Variants in NT5DC4 observed in about 807,000 individuals in gnomAD.
The protein encoded by NT5DC4 is 5'-nucleotidase domain-containing protein 4.
A neutral mutation model predicts 26.6 loss-of-function variants in NT5DC4; 44 were observed. The observed-to-expected ratio is 1.65, with a 90% CI of 1.30 to 2.13. The LOEUF (loss-of-function observed/expected upper bound fraction) is 2.13, where lower values mean the gene tolerates loss of function less well. NT5DC4 is among the 30% of genes most tolerant of loss of function. The pLI is 0.00. For missense variants in NT5DC4, 399 were observed against 228.1 expected, an observed-to-expected ratio of 1.75 and a Z score of -4.83; for synonymous variants, 157 against 86.7, an observed-to-expected ratio of 1.81 and a Z score of -4.51.
chr2:112,742,573 G>A (rs1170299198), downstream of NT5DC4: 9 of 712,312 alleles, frequency 1.3e-5, no homozygotes, highest in African/African-American at 1.8e-5. Flanking sequence ...ATGGCTGAAA[G>A]GGCCAGGTCA....
chr2:112,737,419 T>C (rs957376016), intron 16 of NT5DC4: 2 of 152,244 alleles, frequency 1.3e-5, no homozygotes, highest in African/African-American at 4.8e-5. Flanking sequence ...GCCATTCTTA[T>C]AGATGTGAGG....
chr2:112,723,468 T>C lies in NT5DC4; in HGVS notation c.672T>C (p.Asp224=), dbSNP rs746854375. 3.8e-5 allele frequency: 27 copies of C among 717,140 alleles called. No homozygotes were observed. Among genetic ancestry groups the C allele is most frequent in the South Asian group, 1.0e-4 (7 of 67,600 alleles). 44.4% of individuals were successfully genotyped at this position (717,140 alleles called of 1,614,324 possible). Residue 224 remains aspartate, a splice_region_variant and synonymous_variant, in exon 8 of 17, where the codon GAT becomes GAC. Coordinates refer to ENST00000688554, the MANE Select transcript of NT5DC4 (RefSeq NM_001393655.1). ...ACTTGGAGAAATATGTGAAGAAGGA[T>C]GTGAGTGGCCACAGACCCAGGGCCA... ...LEDLEKYVKK[D]PRLPILLGKM...
At chr2:112,735,038 A>ATTTTTTTTTT (rs70965024) in intron 16 of NT5DC4, among the ~76,000 whole-genome samples, 2 of 94,492 alleles carry the variant, frequency 2.1e-5, no homozygotes, top group Non-Finnish European at 4.0e-5. Flanking sequence ...AGGCAAGAAC[A>ATTTTTTTTTT]TTTTTTTTTT....
intron 16 of NT5DC4, chr2:112,737,239 GTACA>G (rs1354508722): frequency 3.9e-5 from 6 of 152,084 alleles, no homozygotes; most frequent in African/African-American, 1.4e-4. Context: ...TCTTCTTTGG[GTACA>G]TACTTACTCA....
chr2:112,719,481 C>CTTTTTTTTTTTTTTTTTTTTT (rs57789268), upstream of NT5DC4, among the ~76,000 whole-genome samples: 1 of 101,290 alleles, frequency 9.9e-6, no homozygotes, highest in Admixed American at 1.2e-4. Context: ...ACTTGTCTGT[C>CTTTTTTTTTTTTTTTTTTTTT]TTTTTTTTTT....
upstream of NT5DC4, among the ~76,000 whole-genome samples, chr2:112,719,848 C>CTCCA (rs1553429958): frequency 7.9e-6 from 1 of 127,280 alleles, no homozygotes; most frequent in East Asian, 2.3e-4. Context: ...CCTTCCCTCC[C>CTCCA]TCCCTCCCTC....
chr2:112,719,992 C>CTTTCT (rs1558715793), upstream of NT5DC4, among the ~76,000 whole-genome samples: 159 of 60,268 alleles, frequency 2.6e-3, 1 homozygote, highest in African/African-American at 9.8e-3. Context: ...CTTTCTTTTT[C>CTTTCT]TTTTCTTTTC....
downstream of NT5DC4, chr2:112,741,029 G>A: frequency 2.0e-6 from 3 of 1,523,570 alleles, no homozygotes; most frequent in South Asian, 1.2e-5. Flanking sequence ...AGATCATGAA[G>A]GAAAGTAAGA....
chr2:112,742,415 C>T (rs1046355348), downstream of NT5DC4: 35 of 717,462 alleles, frequency 4.9e-5, no homozygotes, highest in Non-Finnish European at 8.6e-5. Context: ...GCCTCAGTCT[C>T]TTCCAGCAAA....
At chr2:112,721,412 A>G (rs1315590793) in intron 1 of NT5DC4, 10 of 710,622 alleles carry the variant, frequency 1.4e-5, no homozygotes, top group Admixed American at 1.0e-4. Context: ...ACACAGTGAC[A>G]TGTGCTATCC....
At chr2:112,729,132 A>AT (rs557637180) in intron 15 of NT5DC4, among the ~76,000 whole-genome samples, 205 of 149,842 alleles carry the variant, frequency 1.4e-3, no homozygotes, top group Admixed American at 2.5e-3. Context: ...CTGGCTTGGG[A>AT]TTTTTTTTTT....
At chr2:112,725,058 C>T (rs919460179) in intron 11 of NT5DC4, 116 bp from the exon 12 acceptor site, 9 of 651,954 alleles carry the variant, frequency 1.4e-5, no homozygotes, top group Middle Eastern at 2.5e-4. Flanking sequence ...CTGCTGCCTC[C>T]TTCCTCCCAC....
chr2:112,739,116 T>C, downstream of NT5DC4: 1 of 1,226,680 alleles, frequency 8.2e-7, no homozygotes, highest in South Asian at 1.3e-5. Context: ...TATTTTTTGT[T>C]TCTTATTCAA....
intron 16 of NT5DC4, among the ~76,000 whole-genome samples, chr2:112,733,281 C>T (rs556253519): frequency 1.3e-5 from 2 of 150,998 alleles, no homozygotes; most frequent in African/African-American, 2.4e-5. Context: ...TTAATGTCAC[C>T]TCTACACTCC....
Position 112,723,445 on chromosome 2 carries a change from T to A in NT5DC4, c.649T>A (p.Leu217Met). The change falls in exon 8 of 17, where the codon TTG becomes ATG. Residue 217 changes from leucine (L) to methionine (M), a missense_variant. Physicochemically the swap from Leu to Met is conservative, Grantham distance 15. Transcript: ENST00000688554. ...CTGTCTCAAGAAGACCCTGGAGGAC[T>A]TGGAGAAATATGTGAAGAAGGATGT... ...SGCLKKTLED[L>M]EKYVKKDPRL... 1.4e-6 allele frequency: 1 copy of A among 715,626 alleles called. No homozygotes were observed. The highest frequency in any genetic ancestry group is 1.5e-5 in the South Asian group (1 of 67,546). The allele number at this position is 715,626 out of a possible 1,614,324, so 44.3% of individuals were successfully genotyped here.
chr2:112,724,192 CA>C, intron 10 of NT5DC4, 66 bp downstream of exon 10: 1 of 715,452 alleles, frequency 1.4e-6, no homozygotes, highest in Non-Finnish European at 2.6e-6. Flanking sequence ...TGCCAGGCTG[CA>C]CCACGATGCT....
At chr2:112,723,018 C>T (rs946918399) in intron 6 of NT5DC4, 63 bp from the exon 7 acceptor site, 11 of 515,794 alleles carry the variant, frequency 2.1e-5, no homozygotes, top group Non-Finnish European at 3.7e-5. Flanking sequence ...GTGTGGGACT[C>T]AGGGTTGGAG....
chr2:112,736,805 T>C (rs1204512882), intron 16 of NT5DC4: 3 of 152,268 alleles, frequency 2.0e-5, no homozygotes, highest in East Asian at 1.9e-4. Flanking sequence ...TTCCACGGCA[T>C]GCATATGCCG....
upstream of NT5DC4, among the ~76,000 whole-genome samples, chr2:112,720,722 A>C (rs1373162152): frequency 6.6e-6 from 1 of 152,236 alleles, no homozygotes; most frequent in Non-Finnish European, 1.5e-5. Flanking sequence ...TCATGAGTAC[A>C]GTACGGAGCC....
Sources: allele counts gnomAD v4.1 joint callset (sites outside exome capture counted in the v4.1 genomes callset), GRCh38; gene constraint gnomAD v4.1.1; transcripts MANE v1.5; gene names NCBI Gene and HGNC (gene_info 2026-07-23, HGNC 2026-07-21).